Variants in TENM1 observed in about 807,000 individuals in gnomAD.
TENM1 encodes teneurin transmembrane protein 1, also known as teneurin-1.
A neutral mutation model predicts 174.8 loss-of-function variants in TENM1; 35 were observed. That is an observed-to-expected ratio of 0.20 (90% CI 0.15 to 0.27). TENM1 has a LOEUF of 0.27. TENM1 is among the 10% of genes least tolerant of loss of function. The pLI, the probability that TENM1 is intolerant of heterozygous loss-of-function variation, is 1.00. For missense variants in TENM1, 1,633 were observed against 2,130.1 expected (o/e 0.77, Z 4.59); for synonymous variants, 781 against 798.7 (o/e 0.98, Z 0.37).
rs1379695253 is a variant in TENM1, at chrX:124,481,848, T to C, written c.3833A>G (p.Asp1278Gly). Residue 1278 changes from aspartate to glycine, a missense_variant, in exon 22 of 32, where the codon GAT (aspartate) becomes GGT (glycine). Around this residue, in one of 4 missense-constraint regions of TENM1, gnomAD observed 72 missense variants for 59.4 expected, o/e 1.21. Transcript: ENST00000422452. ...CACCACTTCAAAATTCTTGGACAGA[T>C]CTTTCGTCTCCACAAGAGATTTCAA... The C allele has an allele frequency of 5.8e-6, 7 of 1,203,147 alleles. No homozygotes were observed. The highest frequency in any genetic ancestry group is 7.9e-6 in the Non-Finnish European group (7 of 890,238).
At chrX:124,644,170 CAT>C (rs754020007) in intron 10 of TENM1, among the ~76,000 whole-genome samples, 2,213 of 93,696 alleles carry the variant, frequency 0.024, 75 homozygotes, top group African/African-American at 0.081. Context: ...GCATATATGG[CAT>C]ATATATATAT....
At chrX:124,952,338 GTGT>G (rs2058502893) in intron 1 of TENM1, among the ~76,000 whole-genome samples, 3 of 47,971 alleles carry the variant, frequency 6.3e-5, no homozygotes, top group African/African-American at 5.8e-4. Flanking sequence ...TGTATGGGGT[GTGT>G]GTGTGTGTGT....
chrX:124,726,368 C>T, intron 4 of TENM1, among the ~76,000 whole-genome samples: 1 of 112,450 alleles, frequency 8.9e-6, no homozygotes, highest in East Asian at 2.8e-4. Flanking sequence ...TTCTTCACTG[C>T]CTAAGCACAA....
chrX:125,052,184 A>G, the TENM1 span, among the ~76,000 whole-genome samples: 1 of 111,729 alleles, frequency 9.0e-6, no homozygotes, highest in African/African-American at 3.2e-5. Flanking sequence ...AACAATATCA[A>G]ATGTCAGACA....
At chrX:124,698,664 A>G (rs2052705568) in intron 5 of TENM1, among the ~76,000 whole-genome samples, 1 of 111,591 alleles carries the variant, frequency 9.0e-6, no homozygotes, top group Admixed American at 9.5e-5. Flanking sequence ...TTGTTCTGGG[A>G]ATAAATTTCA....
At chrX:124,961,199 T>C (rs2058647310) in intron 1 of TENM1, among the ~76,000 whole-genome samples, 1 of 112,316 alleles carries the variant, frequency 8.9e-6, no homozygotes, top group African/African-American at 3.2e-5. Context: ...TGATAAGCAC[T>C]TATATTTCAG....
At chrX:124,563,600 C>T (rs2048873971) in intron 13 of TENM1, 149 bp downstream of exon 16, 1 of 445,999 alleles carries the variant, frequency 2.2e-6, no homozygotes, top group Non-Finnish European at 3.8e-6. Context: ...ACTATTTTAG[C>T]ATGAAACTGA....
chrX:124,887,986 C>T (rs938635704), intron 3 of TENM1, among the ~76,000 whole-genome samples: 1 of 111,793 alleles, frequency 8.9e-6, no homozygotes, highest in African/African-American at 3.2e-5. Flanking sequence ...AAATGGAAAA[C>T]AAACAAACAA....
intron 22 of TENM1, among the ~76,000 whole-genome samples, chrX:124,455,533 A>G (rs890512742): frequency 9.0e-6 from 1 of 111,356 alleles, no homozygotes; most frequent in Non-Finnish European, 1.9e-5. Context: ...AAAATTTCAA[A>G]TTTGGCTGTC....
chrX:124,476,263 T>C (rs1343741999), intron 22 of TENM1, among the ~76,000 whole-genome samples: 1 of 112,152 alleles, frequency 8.9e-6, no homozygotes, highest in African/African-American at 3.2e-5. Context: ...AGCATGCAGA[T>C]GCCAGGAGAA....
chrX:124,521,882 CTT>C (rs1441676229), intron 17 of TENM1, among the ~76,000 whole-genome samples: 2 of 111,862 alleles, frequency 1.8e-5, no homozygotes, highest in Non-Finnish European at 3.8e-5. Flanking sequence ...TTTGTGTACA[CTT>C]TGCCAGTTTT....
exon 29 of TENM1, chrX:124,385,745 G>A (rs2060210536): frequency 3.3e-6 from 4 of 1,210,617 alleles, no homozygotes; most frequent in Admixed American, 4.3e-5. Context: ...AATCACTCCA[G>A]AAGACTCTTC....
chrX:124,875,957 A>C (rs181331340), intron 3 of TENM1, among the ~76,000 whole-genome samples: 3 of 106,860 alleles, frequency 2.8e-5, no homozygotes, highest in African/African-American at 7.1e-5. Context: ...ATCTTATTCT[A>C]AGAAATTATA....
intron 1 of TENM1, among the ~76,000 whole-genome samples, chrX:124,905,588 G>T (rs1265044847): frequency 9.0e-6 from 1 of 111,720 alleles, no homozygotes; most frequent in Admixed American, 9.5e-5. Flanking sequence ...TGAGATATGA[G>T]AAACAAATTA....
intron 11 of TENM1, among the ~76,000 whole-genome samples, chrX:124,586,993 A>T (rs1387933348): frequency 9.0e-6 from 1 of 110,953 alleles, no homozygotes. Flanking sequence ...GACGTGAAGG[A>T]CCTCTTCAAG....
intron 5 of TENM1, among the ~76,000 whole-genome samples, chrX:124,681,280 T>C (rs1024381354): frequency 7.2e-5 from 8 of 111,472 alleles, no homozygotes; most frequent in African/African-American, 2.6e-4. Flanking sequence ...CGATGAGTGA[T>C]GAAAAACTAT....
intron 22 of TENM1, among the ~76,000 whole-genome samples, chrX:124,471,310 G>A (rs865775295): frequency 1.5e-4 from 4 of 27,450 alleles, no homozygotes; most frequent in African/African-American, 6.6e-4. Context: ...ATAATATATA[G>A]TACTATATAT....
the TENM1 span, among the ~76,000 whole-genome samples, chrX:125,119,323 T>C: frequency 8.9e-6 from 1 of 111,922 alleles, no homozygotes. Context: ...ACCTCTGTGG[T>C]GAGAACAGTT....
intron 11 of TENM1, among the ~76,000 whole-genome samples, chrX:124,636,780 T>C (rs1255962565): frequency 8.9e-6 from 1 of 112,012 alleles, no homozygotes; most frequent in African/African-American, 3.2e-5. Context: ...TCTCAGTTTC[T>C]TCATGTTTCA....
Sources: gnomAD v4.1 joint callset for allele counts (sites outside exome capture counted in the v4.1 genomes callset) on GRCh38, gnomAD v4.1.1 for gene constraint, gnomAD v4.1.1 regional missense constraint, MANE v1.5 for transcripts, NCBI Gene and HGNC (gene_info 2026-07-23, HGNC 2026-07-21) for gene names.